KARS1: variants seen among roughly 807,000 people sequenced by gnomAD.
KARS1 encodes the protein lysyl-tRNA synthetase 1, also known as lysine--tRNA ligase.
In KARS1, 50 loss-of-function variants were observed where a neutral mutation model predicts 63.9. The ratio of observed to expected loss-of-function variants is 0.78; its 90% CI spans 0.62 to 0.99. The LOEUF is 0.99. Among genes scored for constraint, KARS1 ranks in the 50% least tolerant of loss-of-function variants. The pLI, the probability that KARS1 is intolerant of heterozygous loss-of-function variation, is 0.00. For missense variants in KARS1, 816 were observed against 754.5 expected (o/e 1.08, Z -0.95); for synonymous variants, 320 against 264.6 (o/e 1.21, Z -2.03).
chr16:75,640,748 G>A (rs1892876860), intron 2 of KARS1, among the ~76,000 whole-genome samples: 1 of 152,160 alleles, frequency 6.6e-6, no homozygotes, highest in Non-Finnish European at 1.5e-5. Context: ...TTTCCCCAAG[G>A]CATGGGGCCT....
chr16:75,629,541 C>A lies in KARS1; in HGVS notation c.1425G>T (p.Trp475Cys), dbSNP rs771195611. ...HPQIMSPLAK[W>C]HRSKEGLTER... ...CAGTCAGACCCTCTTTAGAGCGGTG[C>A]CTAGGGACAGGAGACCAAAGAGGAG... Residue 475 changes from tryptophan (W) to cysteine (C), a missense_variant and splice_region_variant, in exon 12 of 14, where the codon TGG (tryptophan) becomes TGT (cysteine). Physicochemically the swap from Trp to Cys is radical, Grantham distance 215. Transcript: ENST00000302445. 13 of 1,613,894 alleles carry A rather than the reference C, an allele frequency of 8.1e-6. No homozygotes were observed. The highest frequency in any genetic ancestry group is 1.1e-5 in the Non-Finnish European group (13 of 1,179,934).
At chr16:75,628,978 C>T (rs1374558466) in intron 12 of KARS1, 1 of 528,168 alleles carries the variant, frequency 1.9e-6, no homozygotes, top group African/African-American at 1.9e-5. Flanking sequence ...GGCTCTGGGA[C>T]TCCAAACAGG....
At chr16:75,639,953 C>A (rs1015895696) in intron 3 of KARS1, 6 of 561,848 alleles carry the variant, frequency 1.1e-5, no homozygotes, top group African/African-American at 9.4e-5. Flanking sequence ...TGAAGGGAAT[C>A]CTTATAGAGA....
chr16:75,631,036 CTT>C, intron 10 of KARS1, 130 bp downstream of exon 10: 1 of 728,438 alleles, frequency 1.4e-6, no homozygotes, highest in South Asian at 1.5e-5. Flanking sequence ...TGTTAATTCT[CTT>C]GTTCTCTCTC....
At chr16:75,630,766 C>T (rs903358976) in intron 10 of KARS1, among the ~76,000 whole-genome samples, 2 of 152,010 alleles carry the variant, frequency 1.3e-5, no homozygotes, top group South Asian at 4.2e-4. Flanking sequence ...TCCTGAATAG[C>T]GGGGATTACA....
rs1055115526 is a variant in KARS1, at chr16:75,630,641, T to C, written c.1339-133A>G. On this transcript the variant is annotated intron_variant, in intron 10 of 13. Coordinates refer to ENST00000302445, the MANE Select transcript of KARS1 (RefSeq NM_005548.3). Reference sequence around the variant, plus strand: ...CTTTTTATTTATTTATTATTATTATTATTATTATTATTGAGATGGAGTCTC... The same window carrying C: ...CTTTTTATTTATTTATTATTATTATCATTATTATTATTGAGATGGAGTCTC... 26 of 370,216 alleles carry C rather than the reference T, an allele frequency of 7.0e-5. 1 individual carries two copies. The highest frequency in any genetic ancestry group is 1.1e-4 in the Non-Finnish European group (23 of 202,506). 22.9% of individuals were successfully genotyped at this position (370,216 alleles called of 1,614,324 possible).
At chr16:75,643,769 A>T (rs755454765) in intron 1 of KARS1, among the ~76,000 whole-genome samples, 149 of 152,368 alleles carry the variant, frequency 9.8e-4, no homozygotes, top group Admixed American at 1.9e-3. Context: ...TAACATTTGT[A>T]AAGACAACCT....
At position 75,628,598 on chromosome 16, in the gene KARS1, TG is replaced by T. The variant is rs780045874; in HGVS notation, c.1665del (p.Met556CysfsTer18). On this transcript the variant is annotated frameshift_variant, in exon 13 of 14. Coordinates refer to ENST00000302445, the MANE Select transcript of KARS1 (RefSeq NM_005548.3). LOFTEE classifies it high-confidence loss of function. Reference sequence around the variant, plus strand: ...ATGTTGTTGGAGTCCGTGAGAAACATGGCGACTCGATCAATGCCCATGCCCC... The same window carrying T: ...ATGTTGTTGGAGTCCGTGAGAAACATGCGACTCGATCAATGCCCATGCCCC... ...AGWGMGIDRV[A>X]MFLTDSNNIK... The T allele has an allele frequency of 6.2e-7, 1 of 1,614,076 alleles. No homozygotes were observed. Among genetic ancestry groups the T allele is most frequent in the Non-Finnish European group, 8.5e-7 (1 of 1,180,028 alleles).
intron 1 of KARS1, chr16:75,644,226 C>T (rs2082255723): frequency 1.3e-6 from 2 of 1,496,710 alleles, no homozygotes; most frequent in Non-Finnish European, 1.8e-6. Context: ...GGAAAATGAA[C>T]CAAGTAAGGA....
chr16:75,629,980 G>A (rs957501396), intron 11 of KARS1, among the ~76,000 whole-genome samples: 4 of 152,176 alleles, frequency 2.6e-5, no homozygotes, highest in Non-Finnish European at 5.9e-5. Flanking sequence ...ACAGGCCAGC[G>A]GGCAGACTGT....
Position 75,629,549 on chromosome 16 carries a change from CAGG to C in KARS1, c.1425-11_1425-9del. 1 of 1,613,886 alleles carries C rather than the reference CAGG, an allele frequency of 6.2e-7. No homozygotes were observed. Among genetic ancestry groups the C allele is most frequent in the Non-Finnish European group, 8.5e-7 (1 of 1,179,854 alleles). On this transcript the variant is annotated splice_polypyrimidine_tract_variant and intron_variant, in intron 11 of 13. Coordinates refer to ENST00000302445, the MANE Select transcript of KARS1 (RefSeq NM_005548.3). ...CCCTCTTTAGAGCGGTGCCTAGGGA[CAGG>C]AGACCAAAGAGGAGGCTGAATATAG...
chr16:75,640,147 T>C, intron 3 of KARS1, 37 bp downstream of exon 3: 4 of 1,592,290 alleles, frequency 2.5e-6, no homozygotes, highest in Non-Finnish European at 3.4e-6. Context: ...GCCTACCTGC[T>C]GTGGGAGTTC....
At chr16:75,638,721 G>C (rs2082191284) in intron 3 of KARS1, among the ~76,000 whole-genome samples, 1 of 152,006 alleles carries the variant, frequency 6.6e-6, no homozygotes, top group Non-Finnish European at 1.5e-5. Flanking sequence ...AAGTGAAAAG[G>C]AGGATAAAAT....
intron 1 of KARS1, among the ~76,000 whole-genome samples, chr16:75,645,528 AAGT>A (rs2151813234): frequency 6.6e-6 from 1 of 152,358 alleles, no homozygotes; most frequent in South Asian, 2.1e-4. Context: ...CTGGTCAAAA[AAGT>A]AGTAGCTGTA....
In KARS1 at chr16:75,636,453, C is replaced by T. The variant is rs1042000272; in HGVS notation, c.482+1G>A. 6.3e-7 allele frequency: 1 copy of T among 1,596,322 alleles called. No homozygotes were observed. Among genetic ancestry groups the T allele is most frequent in the South Asian group, 1.1e-5 (1 of 90,722 alleles). Reference sequence around the variant, plus strand: ...GTCTATAACTGGGTATTTCGAGATACCTGGAATTGGCCATGACTTGCAACT... The same window carrying T: ...GTCTATAACTGGGTATTTCGAGATATCTGGAATTGGCCATGACTTGCAACT... On this transcript the variant is annotated splice_donor_variant, in intron 4 of 13. Transcript: ENST00000302445. LOFTEE classifies it high-confidence loss of function.
chr16:75,633,571 G>A (rs2082133558), intron 7 of KARS1, among the ~76,000 whole-genome samples: 1 of 145,296 alleles, frequency 6.9e-6, no homozygotes, highest in Admixed American at 7.1e-5. Flanking sequence ...AGGCTGGAGT[G>A]CAGTTGCAGG....
chr16:75,631,248 G>C lies in KARS1; in HGVS notation c.1258C>G (p.Arg420Gly). ...ETNLFETEET[R>G]KILDDICVAK... is the part of the protein sequence containing the mutation. ...ACACAGATATCATCAAGAATTTTGCGAGTTTCTGGGACACAAATGCAAAAG... is the reference window on the plus strand; with the variant it reads ...ACACAGATATCATCAAGAATTTTGCCAGTTTCTGGGACACAAATGCAAAAG... The change falls in exon 10 of 14, where the codon CGC (arginine) becomes GGC (glycine). Residue 420 changes from arginine to glycine, a missense_variant. Physicochemically the swap from Arg to Gly is moderately radical, Grantham distance 125. Transcript: ENST00000302445. The C allele has an allele frequency of 1.9e-6, 3 of 1,613,788 alleles. No individual in the cohort carries two copies. The highest frequency in any genetic ancestry group is 2.5e-6 in the Non-Finnish European group (3 of 1,179,830).
Position 75,627,929 on chromosome 16 carries a change from G to T in KARS1, c.1760C>A (p.Thr587Lys), listed in dbSNP as rs768294238. 6.8e-6 allele frequency: 11 copies of T among 1,609,250 alleles called. No individual in the cohort carries two copies. The South Asian group carries it at 8.8e-5, about 13-fold the overall frequency. Residue 587 changes from threonine (T) to lysine (K), a missense_variant, in exon 14 of 14, where the codon ACA (threonine) becomes AAA (lysine). Physicochemically the swap from Thr to Lys is moderately conservative, Grantham distance 78. Transcript: ENST00000302445. ...AGTGCCAACTGTTGTGCTTTCCAGT[G>T]TATCAGTGGTTGCTACATTCTCCTT... The part of the protein sequence containing the change: ...DKKENVATTD[T>K]LESTTVGTSV
In KARS1 at chr16:75,631,757, A is replaced by C. The variant is rs1326568388; in HGVS notation, c.1014T>G (p.Cys338Trp). The change falls in exon 8 of 14, where the codon TGT becomes TGG. Residue 338 changes from cysteine (C) to tryptophan (W), a missense_variant. By Grantham distance (215) the Cys-to-Trp change is radical. Transcript: ENST00000302445. ...AGTCTGCATAGGCCATGTAGAACTC[A>C]CAGGTGGTGAACTCAGGATTGTGCG... ...DLTHNPEFTT[C>W]EFYMAYADYH... is the part of the protein sequence containing the mutation. The C allele has an allele frequency of 4.3e-6, 7 of 1,614,198 alleles. No individual in the cohort carries two copies. Among genetic ancestry groups the C allele is most frequent in the Non-Finnish European group, 5.1e-6 (6 of 1,180,024 alleles).
Sources: gnomAD v4.1 joint callset for allele counts (sites outside exome capture counted in the v4.1 genomes callset) on GRCh38, gnomAD v4.1.1 for gene constraint, MANE v1.5 for transcripts, NCBI Gene and HGNC (gene_info 2026-07-23, HGNC 2026-07-21) for gene names.